The following MORN1 variants were observed in gnomAD, a reference collection of about 807,000 sequenced individuals.
MORN1 encodes the protein MORN repeat containing 1.
In MORN1, 67 loss-of-function variants were observed where a neutral mutation model predicts 61.9. The observed-to-expected ratio is 1.08, with a 90% CI of 0.89 to 1.33. MORN1 has a LOEUF of 1.33. Ranked by LOEUF, MORN1 falls within the 40% of genes most tolerant of loss-of-function variation. MORN1 has a pLI of 0.00. For missense variants in MORN1, 752 were observed against 691.2 expected (o/e 1.09, Z -0.99); for synonymous variants, 301 against 292.0 (o/e 1.03, Z -0.31).
rs141094538 is a variant in MORN1, at chr1:2,321,290, C to T, written c.*93G>A. 1.6e-3 allele frequency: 1,578 copies of T among 996,666 alleles called. 16 individuals are homozygous for T. In the African/African-American group the frequency reaches 0.023, roughly 14 times the overall value. 61.7% of individuals were successfully genotyped at this position (996,666 alleles called of 1,614,324 possible). A position where few individuals can be genotyped will look rare whatever the true frequency, so the allele number is the denominator to read the frequency against. On this transcript the variant is annotated 3_prime_UTR_variant, in exon 14 of 14. Coordinates refer to ENST00000378531, the MANE Select transcript of MORN1 (RefSeq NM_024848.3). ...AGCATTTTATTCAAGCCAGCAACCACGGGGCTCTGGAGAATCGGGGAGCAG... is the reference window on the plus strand; with the variant it reads ...AGCATTTTATTCAAGCCAGCAACCATGGGGCTCTGGAGAATCGGGGAGCAG...
At chr1:2,323,695 C>T (rs990346036) in intron 13 of MORN1, 21 of 985,164 alleles carry the variant, frequency 2.1e-5, no homozygotes, top group Middle Eastern at 5.2e-4. Flanking sequence ...CCAGCCCAGG[C>T]CCACCAAGCC....
Position 2,357,169 on chromosome 1 carries a change from G to T in MORN1, c.1036+263C>A, listed in dbSNP as rs1399232419. Among the ~76,000 whole-genome samples, 1 of 152,178 alleles carries T rather than the reference G, an allele frequency of 6.6e-6. No homozygotes were observed. Among genetic ancestry groups the T allele is most frequent in the Non-Finnish European group, 1.5e-5 (1 of 68,014 alleles). ...CTCAGCCAAGTAGACCCAGAACTCTGCCCTGAGGACCCCACGAGGCTGCAG... is the reference window on the plus strand; with the variant it reads ...CTCAGCCAAGTAGACCCAGAACTCTTCCCTGAGGACCCCACGAGGCTGCAG... On this transcript the variant is annotated intron_variant, in intron 10 of 13. Coordinates refer to ENST00000378531, the MANE Select transcript of MORN1 (RefSeq NM_024848.3). This position sits in a 1 kb window ranked among gnomAD's most constrained non-coding sequence, Gnocchi z 6.3.
At chr1:2,387,945 G>A (rs1297039752) in intron 3 of MORN1, 1 of 440,990 alleles carries the variant, frequency 2.3e-6, no homozygotes, top group East Asian at 3.7e-5. Flanking sequence ...CCCCAGAGCT[G>A]GTTTCCCATC....
Position 2,372,494 on chromosome 1 carries a change from C to T in MORN1, c.732G>A (p.Gly244=). The T allele has an allele frequency of 6.2e-7, 1 of 1,613,280 alleles. No individual in the cohort carries two copies. The highest frequency in any genetic ancestry group is 8.5e-7 in the Non-Finnish European group (1 of 1,179,690). Residue 244 remains glycine, a synonymous_variant, in exon 8 of 14, where the codon GGG becomes GGA. Coordinates refer to ENST00000378531, the MANE Select transcript of MORN1 (RefSeq NM_024848.3). The surrounding 1 kb of genome is among the most constrained non-coding windows in gnomAD (Gnocchi z 5.4). Reference sequence around the variant, plus strand: ...GGAGATGCTTACTCTTGGCAATTTCCCCGTGGTCCTGCAGCAGCTGAACGT... The same window carrying T: ...GGAGATGCTTACTCTTGGCAATTTCTCCGTGGTCCTGCAGCAGCTGAACGT... The part of the protein sequence containing the change: ...SVNVQLLQDH[G]EIAKSESGRV...
intron 4 of MORN1, 62 bp downstream of exon 4, chr1:2,387,357 G>A (rs773026038): frequency 4.0e-6 from 5 of 1,235,848 alleles, no homozygotes; most frequent in Admixed American, 3.4e-5. Flanking sequence ...CCAAGTGGAC[G>A]TAGGATTCCA....
At chr1:2,388,014 CAGAT>C (rs1642546572) in intron 3 of MORN1, 1 of 527,502 alleles carries the variant, frequency 1.9e-6, no homozygotes, top group Non-Finnish European at 3.4e-6. Flanking sequence ...TAACTTGGGA[CAGAT>C]AAATCTTTAT....
chr1:2,348,124 G>A (rs114004538), intron 10 of MORN1, among the ~76,000 whole-genome samples: 2,253 of 152,346 alleles, frequency 0.015, 57 homozygotes, highest in African/African-American at 0.052. Context: ...TTCAGTCTCC[G>A]TCGGTCTGGA....
intron 8 of MORN1, among the ~76,000 whole-genome samples, chr1:2,362,507 G>C (rs951427072): frequency 7.2e-5 from 11 of 152,158 alleles, no homozygotes; most frequent in African/African-American, 2.7e-4. Context: ...AAAACAGAAG[G>C]AAGAAAGGAA....
Position 2,334,188 on chromosome 1 carries a change from C to G in MORN1, c.1250+2281G>C, listed in dbSNP as rs910204948. On this transcript the variant is annotated intron_variant, in intron 12 of 13. Coordinates refer to ENST00000378531, the MANE Select transcript of MORN1 (RefSeq NM_024848.3). The surrounding 1 kb of genome is among the most constrained non-coding windows in gnomAD (Gnocchi z 5.4). ...GAGCTGGGGAGGTCCTGGAAGAGGT[C>G]GTGAGGTCGACGCCCCGGTCAGCCA... 6.6e-6 allele frequency among the ~76,000 whole-genome samples: 1 copy of G among 151,314 alleles called. No individual in the cohort carries two copies. Among genetic ancestry groups the G allele is most frequent in the Non-Finnish European group, 1.5e-5 (1 of 67,862 alleles).
At chr1:2,324,886 G>C (rs1264632470) in intron 12 of MORN1, among the ~76,000 whole-genome samples, 2 of 151,952 alleles carry the variant, frequency 1.3e-5, no homozygotes, top group Non-Finnish European at 2.9e-5. Flanking sequence ...GCCATGGCCA[G>C]GCAGGATCTG....
intron 3 of MORN1, 25 bp from the exon 4 acceptor site, chr1:2,387,554 A>G (rs1642534887): frequency 6.4e-7 from 1 of 1,555,754 alleles, no homozygotes; most frequent in Non-Finnish European, 8.8e-7. Context: ...GGAGGAGGGG[A>G]GACAGGAGGT....
At position 2,372,411 on chromosome 1, in the gene MORN1, C is replaced by T; in HGVS notation, c.745+70G>A. ...ACATGCAACATCTCGTCCGCATCTTCACTGCTTAAGAACCTGCTGCCTGTT... is the reference window on the plus strand; with the variant it reads ...ACATGCAACATCTCGTCCGCATCTTTACTGCTTAAGAACCTGCTGCCTGTT... On this transcript the variant is annotated intron_variant, in intron 8 of 13. Transcript: ENST00000378531. The surrounding 1 kb of genome is among the most constrained non-coding windows in gnomAD (Gnocchi z 5.4). The T allele has an allele frequency of 2.4e-6, 3 of 1,235,662 alleles. No individual in the cohort carries two copies. The highest frequency in any genetic ancestry group is 2.2e-5 in the Admixed American group (1 of 45,832). The allele number at this position is 1,235,662 out of a possible 1,614,324, so 76.5% of individuals were successfully genotyped here. A position where few individuals can be genotyped will look rare whatever the true frequency, so the allele number is the denominator to read the frequency against.
At chr1:2,373,695 C>A (rs868777904) in intron 7 of MORN1, among the ~76,000 whole-genome samples, 2 of 152,316 alleles carry the variant, frequency 1.3e-5, no homozygotes, top group Middle Eastern at 3.4e-3. Context: ...TGGGACCCAC[C>A]TCTCAGTGCT....
At chr1:2,390,799 G>C in intron 1 of MORN1, 1 of 966,090 alleles carries the variant, frequency 1.0e-6, no homozygotes, top group Non-Finnish European at 1.2e-6. Context: ...CCCAGGCTGG[G>C]GTGCAGCGGC....
chr1:2,385,030 T>A lies in MORN1; in HGVS notation c.485A>T (p.Asp162Val). 6.3e-7 allele frequency: 1 copy of A among 1,599,994 alleles called. No homozygotes were observed. Among genetic ancestry groups the A allele is most frequent in the Non-Finnish European group, 8.5e-7 (1 of 1,174,906 alleles). Residue 162 changes from aspartate (D) to valine (V), a missense_variant, in exon 6 of 14, where the codon GAC (aspartate) becomes GTC (valine). Asp to Val is a radical substitution (Grantham distance 152). Transcript: ENST00000378531. ...GDKYDGDWVRDRRQGHGVLRC... is the reference protein window; with the variant it reads ...GDKYDGDWVRVRRQGHGVLRC... Reference sequence around the variant, plus strand: ...CAGCACCCCGTGTCCCTGACGCCGGTCCCGGACCCAGTCGCCGTCGTACTT... The same window carrying A: ...CAGCACCCCGTGTCCCTGACGCCGGACCCGGACCCAGTCGCCGTCGTACTT...
In MORN1 at chr1:2,337,135, G is replaced by C. The variant is rs1641297931; in HGVS notation, c.1037-285C>G. Among the ~76,000 whole-genome samples the C allele has an allele frequency of 6.6e-6, 1 of 152,148 alleles. No individual in the cohort carries two copies. The highest frequency in any genetic ancestry group is 1.5e-5 in the Non-Finnish European group (1 of 68,014). On this transcript the variant is annotated intron_variant, in intron 10 of 13. Transcript: ENST00000378531. This position sits in a 1 kb window ranked among gnomAD's most constrained non-coding sequence, Gnocchi z 5.7. ...CCAGGGAGCCCAGCGCTTTGCAGTGGGAAGGGTCTCCCATCAGCAGCCCCC... is the reference window on the plus strand; with the variant it reads ...CCAGGGAGCCCAGCGCTTTGCAGTGCGAAGGGTCTCCCATCAGCAGCCCCC...
chr1:2,363,437 TAACAA>T (rs1287831213), intron 8 of MORN1: 1 of 151,982 alleles, frequency 6.6e-6, no homozygotes, highest in Non-Finnish European at 1.5e-5. Flanking sequence ...ATCCCTCAAA[TAACAA>T]AACAAAGAGT....
chr1:2,337,156 C>G lies in MORN1; in HGVS notation c.1037-306G>C, dbSNP rs1012723349. On this transcript the variant is annotated intron_variant, in intron 10 of 13. Coordinates refer to ENST00000378531, the MANE Select transcript of MORN1 (RefSeq NM_024848.3). This position sits in a 1 kb window ranked among gnomAD's most constrained non-coding sequence, Gnocchi z 5.7. ...AGTGGGAAGGGTCTCCCATCAGCAG[C>G]CCCCGTCAGCCGAGGCACTCGCTTC... Among the ~76,000 whole-genome samples, 1 of 152,188 alleles carries G rather than the reference C, an allele frequency of 6.6e-6. No homozygotes were observed. Among genetic ancestry groups the G allele is most frequent in the South Asian group, 2.1e-4 (1 of 4,834 alleles).
chr1:2,335,846 C>CCCGGCCCG (rs370659459), intron 12 of MORN1, among the ~76,000 whole-genome samples: 1 of 149,922 alleles, frequency 6.7e-6, no homozygotes, highest in African/African-American at 2.5e-5. Flanking sequence ...CCCAGCCCAG[C>CCCGGCCCG]GCGCAGCTGC....
Sources: gnomAD v4.1 joint callset for allele counts (sites outside exome capture counted in the v4.1 genomes callset) on GRCh38, gnomAD v4.1.1 for gene constraint, Gnocchi (gnomAD v3.1) non-coding constraint, MANE v1.5 for transcripts, NCBI Gene and HGNC (gene_info 2026-07-23, HGNC 2026-07-21) for gene names.